WWOX: variants seen among roughly 807,000 people sequenced by gnomAD.
WWOX encodes WW domain-containing oxidoreductase.
A neutral mutation model predicts 46.2 loss-of-function variants in WWOX; 69 were observed. That is an observed-to-expected ratio of 1.49 (90% CI 1.23 to 1.82). WWOX has a LOEUF of 1.82. Ranked by LOEUF, WWOX falls within the 40% of genes most tolerant of loss-of-function variation. The pLI, the probability that WWOX is intolerant of heterozygous loss-of-function variation, is 0.00. For missense variants in WWOX, 919 were observed against 542.6 expected (o/e 1.69, Z -6.89); for synonymous variants, 359 against 202.6 (o/e 1.77, Z -6.56).
intron 8 of WWOX, among the ~76,000 whole-genome samples, chr16:79,160,755 G>C (rs55782809): frequency 5.3e-5 from 8 of 152,208 alleles, no homozygotes; most frequent in African/African-American, 1.9e-4. Context: ...GTGCAGATTA[G>C]AGAAAAAAAT....
At chr16:78,961,870 T>C (rs1292809745) in intron 8 of WWOX, among the ~76,000 whole-genome samples, 1 of 152,212 alleles carries the variant, frequency 6.6e-6, no homozygotes, top group Non-Finnish European at 1.5e-5. Context: ...GCAGAAATCA[T>C]TCTGTGGTTC....
At chr16:79,175,686 C>T (rs2050786009) in intron 8 of WWOX, among the ~76,000 whole-genome samples, 2 of 152,196 alleles carry the variant, frequency 1.3e-5, no homozygotes, top group African/African-American at 4.8e-5. Flanking sequence ...GCATTAGAGG[C>T]AGGCCTGTGT....
At chr16:78,357,540 T>G (rs1429648425) in intron 5 of WWOX, among the ~76,000 whole-genome samples, 1 of 152,196 alleles carries the variant, frequency 6.6e-6, no homozygotes, top group Non-Finnish European at 1.5e-5. Context: ...TTTTGAGGGA[T>G]AGAATTGGGC....
chr16:78,968,952 C>G (rs1008784717), intron 8 of WWOX, among the ~76,000 whole-genome samples: 4 of 151,862 alleles, frequency 2.6e-5, no homozygotes, highest in African/African-American at 9.7e-5. Flanking sequence ...AATAGCACAG[C>G]TTTTTTCCAC....
intron 8 of WWOX, among the ~76,000 whole-genome samples, chr16:78,592,727 C>G (rs1240869227): frequency 6.6e-6 from 1 of 152,206 alleles, no homozygotes; most frequent in African/African-American, 2.4e-5. Flanking sequence ...GTAAATTCTT[C>G]CACATAAAAC....
intron 8 of WWOX, among the ~76,000 whole-genome samples, chr16:78,598,787 T>C (rs944389938): frequency 6.6e-5 from 10 of 152,174 alleles, no homozygotes; most frequent in African/African-American, 2.4e-4. Context: ...CCCTGGAGTC[T>C]TGGCTTTTGT....
At chr16:78,199,396 A>C (rs1299772467) in intron 5 of WWOX, among the ~76,000 whole-genome samples, 1 of 152,192 alleles carries the variant, frequency 6.6e-6, no homozygotes, top group East Asian at 1.9e-4. Context: ...TTGACTGTAA[A>C]ATATGAGAAG....
At chr16:78,636,752 C>T (rs371876243) in intron 8 of WWOX, among the ~76,000 whole-genome samples, 17 of 152,276 alleles carry the variant, frequency 1.1e-4, no homozygotes, top group East Asian at 3.9e-4. Context: ...GGCATCTCCC[C>T]ACCTGCTCTG....
chr16:78,166,527 C>A (rs1056715422), intron 5 of WWOX, among the ~76,000 whole-genome samples: 2 of 151,760 alleles, frequency 1.3e-5, no homozygotes, highest in African/African-American at 4.8e-5. Context: ...TAACAGTTCC[C>A]GAGTCATTTT....
chr16:78,449,847 G>C (rs958275750), intron 8 of WWOX, among the ~76,000 whole-genome samples: 16 of 151,888 alleles, frequency 1.1e-4, no homozygotes, highest in Admixed American at 1.0e-3. Flanking sequence ...CAAGAAATGT[G>C]TATTGCAGAA....
intron 5 of WWOX, among the ~76,000 whole-genome samples, chr16:78,319,086 G>C (rs531266462): frequency 6.6e-6 from 1 of 152,270 alleles, no homozygotes; most frequent in Admixed American, 6.5e-5. Context: ...ATTCCTAAAA[G>C]GGGGAGAGAG....
At chr16:78,888,711 C>G (rs936799742) in intron 8 of WWOX, among the ~76,000 whole-genome samples, 4 of 152,194 alleles carry the variant, frequency 2.6e-5, no homozygotes, top group African/African-American at 9.7e-5. Flanking sequence ...TTGCTCATCT[C>G]TAGACACAGA....
chr16:78,154,458 A>C (rs1291910431), intron 4 of WWOX, among the ~76,000 whole-genome samples: 1 of 143,654 alleles, frequency 7.0e-6, no homozygotes, highest in Non-Finnish European at 1.5e-5. Context: ...TGATTTATTT[A>C]CACAGAGTTG....
intron 8 of WWOX, among the ~76,000 whole-genome samples, chr16:78,453,040 C>A (rs2083730147): frequency 6.6e-6 from 1 of 150,542 alleles, no homozygotes; most frequent in Non-Finnish European, 1.5e-5. Flanking sequence ...TGCCTTCATG[C>A]CTGGATAATT....
At chr16:78,923,113 C>G (rs541296235) in intron 8 of WWOX, among the ~76,000 whole-genome samples, 6 of 151,422 alleles carry the variant, frequency 4.0e-5, no homozygotes, top group African/African-American at 1.5e-4. Flanking sequence ...TTGCGAGTAG[C>G]TGGGATTACA....
chr16:79,088,132 C>G (rs540575494), intron 8 of WWOX, among the ~76,000 whole-genome samples: 1 of 152,170 alleles, frequency 6.6e-6, no homozygotes, highest in Non-Finnish European at 1.5e-5. Context: ...GGAGAACCAT[C>G]AGATAGAAGC....
intron 8 of WWOX, among the ~76,000 whole-genome samples, chr16:79,100,943 G>A (rs372221508): frequency 3.9e-5 from 6 of 151,992 alleles, no homozygotes; most frequent in Admixed American, 1.3e-4. Context: ...GGGGTTAGGC[G>A]TAACGTCTTT....
rs370928386 is a variant in WWOX, at chr16:79,190,070, C to T, written c.1057-21538C>T. 3.9e-4 allele frequency among the ~76,000 whole-genome samples: 59 copies of T among 152,126 alleles called. 1 individual carries two copies. Among genetic ancestry groups the T allele is most frequent in the Admixed American group, 1.6e-3 (24 of 15,272 alleles). On this transcript the variant is annotated intron_variant, in intron 8 of 8. Transcript: ENST00000566780. ...TTTTTGAGACAGAGTCTCACTGAGT[C>T]GCCCAGGGCGGCGGTGTGATCTCGG... is the stretch of plus-strand genomic sequence containing the variant.
intron 8 of WWOX, among the ~76,000 whole-genome samples, chr16:79,114,073 G>T (rs967475309): frequency 1.7e-4 from 26 of 152,170 alleles, no homozygotes; most frequent in Admixed American, 5.9e-4. Flanking sequence ...AGGAAGGCTG[G>T]AAGAAGTTAA....
Sources: allele counts gnomAD v4.1 joint callset (sites outside exome capture counted in the v4.1 genomes callset), GRCh38; gene constraint gnomAD v4.1.1; transcripts MANE v1.5; gene names NCBI Gene and HGNC (gene_info 2026-07-23, HGNC 2026-07-21).